The following CACNG2 variants were observed in gnomAD, a reference collection of about 807,000 sequenced individuals.
CACNG2 encodes the protein voltage-dependent calcium channel gamma-2 subunit.
Under a neutral mutation model 25.9 loss-of-function variants are expected in CACNG2, and 3 were observed. The observed-to-expected ratio is 0.12, with a 90% CI of 0.05 to 0.30. CACNG2 has a LOEUF of 0.30. CACNG2 is among the 10% of genes least tolerant of loss of function. The pLI, the probability that CACNG2 is intolerant of heterozygous loss-of-function variation, is 1.00. For synonymous variants in CACNG2, 167 were observed against 173.3 expected, an observed-to-expected ratio of 0.96 and a Z score of 0.29; for missense variants, 341 against 432.5, an observed-to-expected ratio of 0.79 and a Z score of 1.88.
At chr22:36,681,132 T>C (rs1399079408) in intron 1 of CACNG2, among the ~76,000 whole-genome samples, 2 of 152,242 alleles carry the variant, frequency 1.3e-5, no homozygotes, top group Admixed American at 1.3e-4. Flanking sequence ...TGCCTATTAA[T>C]CGATGGATCA....
At chr22:36,614,594 C>T (rs1935995804) in intron 1 of CACNG2, among the ~76,000 whole-genome samples, 1 of 152,172 alleles carries the variant, frequency 6.6e-6, no homozygotes, top group South Asian at 2.1e-4. Context: ...AGCCTGTCCA[C>T]CCTCTCATGT....
chr22:36,680,730 T>TCGCTAC, intron 1 of CACNG2, among the ~76,000 whole-genome samples: 3 of 17,852 alleles, frequency 1.7e-4, no homozygotes, highest in Non-Finnish European at 2.4e-4. Context: ...ACCACTACCA[T>TCGCTAC]CACCATCACC....
intron 1 of CACNG2, among the ~76,000 whole-genome samples, chr22:36,662,567 G>T (rs1441861796): frequency 6.6e-6 from 1 of 152,112 alleles, no homozygotes; most frequent in African/African-American, 2.4e-5. Flanking sequence ...CCTTCTCTGT[G>T]CCTGACTCAG....
chr22:36,655,792 CCTTCTTT>C (rs1936696017), intron 1 of CACNG2, among the ~76,000 whole-genome samples: 1 of 146,868 alleles, frequency 6.8e-6, no homozygotes, highest in Non-Finnish European at 1.5e-5. Flanking sequence ...TTCCTTCCTT[CCTTCTTT>C]CTTCTTTCTT....
At chr22:36,597,010 T>C (rs1569024492) in intron 1 of CACNG2, among the ~76,000 whole-genome samples, 1 of 151,764 alleles carries the variant, frequency 6.6e-6, no homozygotes, top group Non-Finnish European at 1.5e-5. Context: ...CCTCAGCCAC[T>C]CAGAGTTCCT....
At chr22:36,675,487 T>C (rs16997155) in intron 1 of CACNG2, among the ~76,000 whole-genome samples, 34,827 of 152,258 alleles carry the variant, frequency 0.23, 4,315 homozygotes, top group Middle Eastern at 0.32. Context: ...ATACACATAG[T>C]TCTCCTTTTA....
At chr22:36,567,711 G>A (rs1020127963) in intron 2 of CACNG2, among the ~76,000 whole-genome samples, 4 of 152,066 alleles carry the variant, frequency 2.6e-5, no homozygotes, top group Non-Finnish European at 5.9e-5. Flanking sequence ...GTGTCTTTGC[G>A]AAGTAAAACA....
chr22:36,587,667 C>T, intron 1 of CACNG2, 119 bp from the exon 2 acceptor site: 1 of 784,410 alleles, frequency 1.3e-6, no homozygotes, highest in Non-Finnish European at 2.3e-6. Flanking sequence ...CTCCCTCACC[C>T]CTGAAGGAAG....
chr22:36,630,201 G>T (rs750056433), intron 1 of CACNG2, among the ~76,000 whole-genome samples: 2 of 152,146 alleles, frequency 1.3e-5, no homozygotes, highest in African/African-American at 2.4e-5. Context: ...GTTTGTAAGG[G>T]GTGGCAGTGG....
At chr22:36,587,400 C>T (rs1465231570) in intron 2 of CACNG2, 65 bp downstream of exon 2, 24 of 1,179,260 alleles carry the variant, frequency 2.0e-5, no homozygotes, top group Non-Finnish European at 3.1e-5. Flanking sequence ...GTCCTTGACT[C>T]TGTGAAGGAT....
At chr22:36,612,683 T>C (rs542374743) in intron 1 of CACNG2, among the ~76,000 whole-genome samples, 5 of 152,316 alleles carry the variant, frequency 3.3e-5, no homozygotes, top group South Asian at 2.1e-4. Context: ...ACACAACACA[T>C]GTCCAAAGAA....
intron 1 of CACNG2, among the ~76,000 whole-genome samples, chr22:36,685,438 C>T (rs899628913): frequency 7.9e-5 from 12 of 152,176 alleles, no homozygotes; most frequent in Non-Finnish European, 1.2e-4. Context: ...GGCTCCTGTC[C>T]TCTGGTGCTC....
At chr22:36,601,211 C>CT (rs545750233) in intron 1 of CACNG2, among the ~76,000 whole-genome samples, 35 of 149,162 alleles carry the variant, frequency 2.3e-4, no homozygotes, top group South Asian at 8.5e-4. Flanking sequence ...TGATATTTGA[C>CT]TTTTTTTTTT....
intron 1 of CACNG2, among the ~76,000 whole-genome samples, chr22:36,592,557 A>G (rs1935613245): frequency 6.6e-6 from 1 of 152,200 alleles, no homozygotes; most frequent in South Asian, 2.1e-4. Context: ...TACATCGAGT[A>G]TATATTAAGA....
chr22:36,565,339 C>G (rs1935107888), intron 3 of CACNG2, among the ~76,000 whole-genome samples: 1 of 152,188 alleles, frequency 6.6e-6, no homozygotes, highest in Non-Finnish European at 1.5e-5. Flanking sequence ...GCCAGGCTGG[C>G]CTGCGTTCAA....
intron 1 of CACNG2, among the ~76,000 whole-genome samples, chr22:36,631,477 C>T (rs954512975): frequency 3.9e-5 from 6 of 152,290 alleles, no homozygotes; most frequent in African/African-American, 1.2e-4. Context: ...TCTTCCTGTC[C>T]AGGCAGGTAA....
intron 1 of CACNG2, among the ~76,000 whole-genome samples, chr22:36,636,957 A>G (rs1936365527): frequency 6.6e-6 from 1 of 152,192 alleles, no homozygotes; most frequent in Non-Finnish European, 1.5e-5. Context: ...ATCCCTCCAG[A>G]GGACTTGTGT....
At chr22:36,590,542 A>T (rs1180894440) in intron 1 of CACNG2, among the ~76,000 whole-genome samples, 2 of 151,696 alleles carry the variant, frequency 1.3e-5, no homozygotes, top group African/African-American at 2.4e-5. Context: ...TCTGTATTAG[A>T]TCCTTAGTGT....
At chr22:36,617,634 T>C (rs1936043299) in intron 1 of CACNG2, among the ~76,000 whole-genome samples, 1 of 147,466 alleles carries the variant, frequency 6.8e-6, no homozygotes, top group African/African-American at 2.5e-5. Context: ...GGGCATCTAG[T>C]AGGCAGTCAA....
Sources: allele counts gnomAD v4.1 joint callset (sites outside exome capture counted in the v4.1 genomes callset), GRCh38; gene constraint gnomAD v4.1.1; transcripts MANE v1.5; gene names NCBI Gene and HGNC (gene_info 2026-07-23, HGNC 2026-07-21).